Variants in NRG1 observed in about 807,000 individuals in gnomAD.
NRG1 encodes the protein pro-neuregulin-1, membrane-bound isoform.
NRG1 carries 18 observed loss-of-function variants against 63.8 expected under a neutral mutation model. That is an observed-to-expected ratio of 0.28 (90% CI 0.19 to 0.42). The LOEUF is 0.42. NRG1 is among the 10% of genes least tolerant of loss of function. The probability of loss-of-function intolerance (pLI) is 1.00; values close to 1 mark genes in which losing one functional copy is unlikely to be tolerated. For missense variants in NRG1, 762 were observed against 814.7 expected, an observed-to-expected ratio of 0.94 and a Z score of 0.79; for synonymous variants, 302 against 301.3, an observed-to-expected ratio of 1.00 and a Z score of -0.02.
At chr8:31,824,264 A>G (rs572820943) in intron 1 of NRG1, among the ~76,000 whole-genome samples, 49 of 144,640 alleles carry the variant, frequency 3.4e-4, no homozygotes, top group South Asian at 1.8e-3. Flanking sequence ...TGTGAGTGAG[A>G]ACATGCAGTG....
At chr8:31,897,640 C>T (rs938329879) in intron 1 of NRG1, among the ~76,000 whole-genome samples, 2 of 152,132 alleles carry the variant, frequency 1.3e-5, no homozygotes, top group Non-Finnish European at 2.9e-5. Flanking sequence ...GTTTCCACAA[C>T]CCCTTATCTT....
intron 5 of NRG1, among the ~76,000 whole-genome samples, chr8:32,695,824 T>C (rs997952090): frequency 1.3e-5 from 2 of 152,238 alleles, no homozygotes; most frequent in African/African-American, 4.8e-5. Context: ...AGGTATTATG[T>C]GTCCCCTTGT....
intron 1 of NRG1, among the ~76,000 whole-genome samples, chr8:32,192,838 A>G (rs895908179): frequency 1.1e-4 from 17 of 152,198 alleles, no homozygotes; most frequent in African/African-American, 3.9e-4. Context: ...GTAGTCACCT[A>G]CACACATAAA....
intron 1 of NRG1, among the ~76,000 whole-genome samples, chr8:31,832,744 C>A (rs1416393250): frequency 6.6e-6 from 1 of 152,180 alleles, no homozygotes; most frequent in African/African-American, 2.4e-5. Context: ...TTTGAGCAGG[C>A]TATCATCGCA....
At chr8:31,646,225 C>A (rs1438971106) in intron 1 of NRG1, among the ~76,000 whole-genome samples, 1 of 152,170 alleles carries the variant, frequency 6.6e-6, no homozygotes, top group African/African-American at 2.4e-5. Flanking sequence ...GGACATCTGC[C>A]CTGGCTTGCT....
intron 1 of NRG1, among the ~76,000 whole-genome samples, chr8:32,318,521 C>T (rs980566572): frequency 2.0e-5 from 3 of 152,018 alleles, no homozygotes; most frequent in African/African-American, 4.8e-5. Context: ...TCCAAACATC[C>T]GAGCCTCAAC....
chr8:32,772,767 C>A (rs184446837), downstream of NRG1, among the ~76,000 whole-genome samples: 7 of 152,050 alleles, frequency 4.6e-5, no homozygotes, highest in African/African-American at 1.7e-4. Flanking sequence ...TCAGATAACA[C>A]AGACAATTTT....
chr8:32,728,283 ATGTG>A lies in NRG1; in HGVS notation c.632+210_632+213del, dbSNP rs889188837. On this transcript the variant is annotated intron_variant, in intron 6 of 11. Transcript: ENST00000356819. Reference sequence around the variant, plus strand: ...GCAGAATTGTTTTTTGCTCTTTTCAATGTGTGTGAGGTGTTTTTTGTTTTTGTTT... The same window carrying A: ...GCAGAATTGTTTTTTGCTCTTTTCAATGTGAGGTGTTTTTTGTTTTTGTTT... 5.1e-6 allele frequency: 5 copies of A among 984,520 alleles called. No homozygotes were observed. The Admixed American group carries it at 1.8e-4, about 36-fold the overall frequency. 61.0% of individuals were successfully genotyped at this position (984,520 alleles called of 1,614,324 possible).
intron 1 of NRG1, among the ~76,000 whole-genome samples, chr8:31,677,412 A>G (rs1381664758): frequency 6.6e-6 from 1 of 152,160 alleles, no homozygotes; most frequent in Non-Finnish European, 1.5e-5. Flanking sequence ...TTCTATATAG[A>G]TATGGATAGG....
intron 1 of NRG1, among the ~76,000 whole-genome samples, chr8:32,363,306 T>C (rs1807480914): frequency 6.6e-6 from 1 of 152,212 alleles, no homozygotes; most frequent in African/African-American, 2.4e-5. Flanking sequence ...ACTATGTTGC[T>C]GTGAGCATCT....
intron 1 of NRG1, among the ~76,000 whole-genome samples, chr8:31,857,905 G>A (rs1018314350): frequency 6.6e-6 from 1 of 152,288 alleles, no homozygotes; most frequent in Middle Eastern, 3.4e-3. Flanking sequence ...AAGAAGTTTT[G>A]CAAAGGAGAT....
At chr8:32,254,179 C>G (rs898596754) in intron 1 of NRG1, among the ~76,000 whole-genome samples, 1 of 152,070 alleles carries the variant, frequency 6.6e-6, no homozygotes, top group African/African-American at 2.4e-5. Context: ...TTTTTCATGT[C>G]TCTATCTCCT....
chr8:31,787,216 A>T (rs1402592294), intron 1 of NRG1, among the ~76,000 whole-genome samples: 5 of 152,252 alleles, frequency 3.3e-5, no homozygotes, highest in Non-Finnish European at 7.3e-5. Flanking sequence ...TTTTTATACC[A>T]GCAAAGCAGT....
chr8:31,970,879 C>T (rs1286860986), intron 1 of NRG1, among the ~76,000 whole-genome samples: 1 of 152,056 alleles, frequency 6.6e-6, no homozygotes, highest in Non-Finnish European at 1.5e-5. Flanking sequence ...GGGCCTCAGG[C>T]TAACACCCAT....
At chr8:31,956,241 A>G (rs1488307543) in intron 1 of NRG1, among the ~76,000 whole-genome samples, 1 of 151,398 alleles carries the variant, frequency 6.6e-6, no homozygotes, top group Non-Finnish European at 1.5e-5. Flanking sequence ...AGAGAGAAAG[A>G]GAGTCAGTGC....
rs142664669 is a variant in NRG1 at position 32,042,139 on chromosome 8, G to A, written c.37+402708G>A. Among the ~76,000 whole-genome samples the A allele has an allele frequency of 4.7e-4, 71 of 152,134 alleles. 1 individual carries two copies. The East Asian group carries it at 0.011, about 24-fold the overall frequency. ...TGATTAAAAAATAGTTGATATTCTC[G>A]AATGAATTAAAACAAGATTTAGAGA... On this transcript the variant is annotated intron_variant, in intron 1 of 10. Transcript: ENST00000519301.
chr8:31,938,134 C>T (rs1253204149), intron 1 of NRG1, among the ~76,000 whole-genome samples: 1 of 152,148 alleles, frequency 6.6e-6, no homozygotes, highest in East Asian at 1.9e-4. Context: ...AAAAACACAA[C>T]CAAGGACCTC....
intron 1 of NRG1, among the ~76,000 whole-genome samples, chr8:32,514,312 A>T (rs1014215585): frequency 3.9e-5 from 6 of 152,134 alleles, no homozygotes; most frequent in African/African-American, 1.4e-4. Flanking sequence ...TATATATATT[A>T]CTTTCATATC....
intron 1 of NRG1, among the ~76,000 whole-genome samples, chr8:31,903,089 C>CATCAATT (rs1310366127): frequency 6.6e-6 from 1 of 151,098 alleles, no homozygotes; most frequent in Non-Finnish European, 1.5e-5. Context: ...TGATATTTAG[C>CATCAATT]ATCAATTGCA....
Sources: allele counts gnomAD v4.1 joint callset (sites outside exome capture counted in the v4.1 genomes callset), GRCh38; gene constraint gnomAD v4.1.1; transcripts MANE v1.5; gene names NCBI Gene and HGNC (gene_info 2026-07-23, HGNC 2026-07-21).